FHOD3: variants seen among roughly 807,000 people sequenced by gnomAD.
FHOD3 encodes the protein formin homology 2 domain containing 3.
A neutral mutation model predicts 173.0 loss-of-function variants in FHOD3; 90 were observed. That is an observed-to-expected ratio of 0.52 (90% CI 0.44 to 0.62). The LOEUF (loss-of-function observed/expected upper bound fraction) is 0.62. FHOD3 is among the 20% of genes least tolerant of loss of function. The probability of loss-of-function intolerance (pLI) is 0.00; values close to 1 mark genes in which losing one functional copy is unlikely to be tolerated. For missense variants in FHOD3, 1,945 were observed against 2,034.7 expected (o/e 0.96, Z 0.85); for synonymous variants, 828 against 823.0 (o/e 1.01, Z -0.10).
chr18:36,753,282 C>T (rs1002945243), intron 24 of FHOD3, among the ~76,000 whole-genome samples: 5 of 152,184 alleles, frequency 3.3e-5, no homozygotes, highest in African/African-American at 1.2e-4. Context: ...GCACACTACA[C>T]ATGGTGTCTG....
chr18:36,554,642 A>T (rs563833233), intron 5 of FHOD3, among the ~76,000 whole-genome samples: 8 of 152,326 alleles, frequency 5.3e-5, no homozygotes, highest in South Asian at 4.1e-4. Context: ...ATAATAATAA[A>T]AAAAAGAATT....
intron 3 of FHOD3, among the ~76,000 whole-genome samples, chr18:36,410,266 G>A (rs1475527620): frequency 1.3e-5 from 2 of 152,074 alleles, no homozygotes; most frequent in Non-Finnish European, 2.9e-5. Flanking sequence ...ATCATATATA[G>A]CCTTTTGTGT....
At chr18:36,600,452 G>A (rs970784305) in intron 7 of FHOD3, among the ~76,000 whole-genome samples, 3 of 152,112 alleles carry the variant, frequency 2.0e-5, no homozygotes, top group Admixed American at 1.3e-4. Flanking sequence ...TGAACCAAAT[G>A]TTTCTTCCCT....
chr18:36,451,802 G>A (rs1006853442), intron 3 of FHOD3, among the ~76,000 whole-genome samples: 5 of 152,164 alleles, frequency 3.3e-5, no homozygotes, highest in Non-Finnish European at 7.3e-5. Context: ...CATCCTGCGT[G>A]GAGCTCCTGT....
At chr18:36,307,904 G>A (rs989823517) in intron 1 of FHOD3, among the ~76,000 whole-genome samples, 1 of 152,146 alleles carries the variant, frequency 6.6e-6, no homozygotes, top group Non-Finnish European at 1.5e-5. Context: ...TTTGTGTCTT[G>A]CCAGAATTTT....
At chr18:36,660,385 G>A (rs980573973) in intron 14 of FHOD3, among the ~76,000 whole-genome samples, 2 of 152,314 alleles carry the variant, frequency 1.3e-5, no homozygotes, top group East Asian at 1.9e-4. Flanking sequence ...CAGGAGACAG[G>A]AGGCAGGAGG....
chr18:36,720,638 T>C (rs550163188), intron 19 of FHOD3, among the ~76,000 whole-genome samples: 1 of 152,116 alleles, frequency 6.6e-6, no homozygotes, highest in Non-Finnish European at 1.5e-5. Context: ...TGACCTGACT[T>C]GCTGACACCA....
intron 5 of FHOD3, among the ~76,000 whole-genome samples, chr18:36,544,998 C>G (rs984178836): frequency 6.6e-6 from 1 of 152,156 alleles, no homozygotes; most frequent in African/African-American, 2.4e-5. Context: ...ATACTGACTA[C>G]CTGGTGTTGG....
At chr18:36,524,447 T>C (rs1259996083) in intron 5 of FHOD3, among the ~76,000 whole-genome samples, 1 of 152,108 alleles carries the variant, frequency 6.6e-6, no homozygotes, top group Non-Finnish European at 1.5e-5. Context: ...TTACTGCTTC[T>C]CCAGAGCCTG....
chr18:36,660,964 C>A (rs1475055528), intron 14 of FHOD3, among the ~76,000 whole-genome samples: 1 of 152,200 alleles, frequency 6.6e-6, no homozygotes, highest in Admixed American at 6.5e-5. Flanking sequence ...GAGTCTATCA[C>A]CTCCTTTACA....
intron 3 of FHOD3, among the ~76,000 whole-genome samples, chr18:36,453,677 G>A (rs1228560063): frequency 6.6e-6 from 1 of 152,230 alleles, no homozygotes; most frequent in Non-Finnish European, 1.5e-5. Flanking sequence ...GGCTGGAACA[G>A]GGAGCCAGGG....
chr18:36,633,487 G>A (rs538428425), intron 10 of FHOD3, among the ~76,000 whole-genome samples: 1 of 152,126 alleles, frequency 6.6e-6, no homozygotes, highest in East Asian at 1.9e-4. Context: ...CTTTGTACTG[G>A]CTATTGGACT....
chr18:36,463,542 A>G (rs539257820), intron 3 of FHOD3, among the ~76,000 whole-genome samples: 1 of 122,562 alleles, frequency 8.2e-6, no homozygotes, highest in African/African-American at 2.9e-5. Context: ...ATGTCGCCCC[A>G]GGCTGGAGTG....
chr18:36,576,954 A>G (rs183342423), intron 6 of FHOD3, among the ~76,000 whole-genome samples: 10 of 152,162 alleles, frequency 6.6e-5, no homozygotes, highest in African/African-American at 1.9e-4. Flanking sequence ...TTAGCTGGGC[A>G]TGGTGGCACG....
chr18:36,368,299 A>T (rs1174690832), intron 2 of FHOD3, among the ~76,000 whole-genome samples: 1 of 152,184 alleles, frequency 6.6e-6, no homozygotes, highest in South Asian at 2.1e-4. Context: ...AGTACATCTC[A>T]TACGTATGTA....
rs796422864 is a variant in FHOD3 at position 36,702,836 on chromosome 18, G to GT, written c.2237-6258dup. On this transcript the variant is annotated intron_variant, in intron 17 of 28. Coordinates refer to ENST00000590592, the MANE Select transcript of FHOD3 (RefSeq NM_001281740.3). The stretch of plus-strand genomic sequence containing the variant: ...TGTGTGCGCGTGTGTGTGTGCACGT[G>GT]TGCGTACACGCTTAATTCCAGGAAT... 4.7e-4 allele frequency among the ~76,000 whole-genome samples: 71 copies of GT among 151,900 alleles called. 1 individual carries two copies. The highest frequency in any genetic ancestry group is 1.7e-3 in the African/African-American group (69 of 41,374).
chr18:36,421,243 C>T (rs925098235), intron 3 of FHOD3, among the ~76,000 whole-genome samples: 2 of 152,152 alleles, frequency 1.3e-5, no homozygotes, highest in Admixed American at 6.5e-5. Context: ...ATGATAGTCA[C>T]GTGTAGGGAA....
At chr18:36,766,328 C>T (rs1371643203) in intron 27 of FHOD3, among the ~76,000 whole-genome samples, 3 of 152,140 alleles carry the variant, frequency 2.0e-5, no homozygotes, top group Non-Finnish European at 4.4e-5. Context: ...GGTTAGATTT[C>T]TATAAGGGGA....
intron 9 of FHOD3, among the ~76,000 whole-genome samples, chr18:36,624,633 C>G (rs1325796111): frequency 6.6e-6 from 1 of 151,834 alleles, no homozygotes; most frequent in Non-Finnish European, 1.5e-5. Context: ...GATGGAAAAG[C>G]TGGTCTTCTG....
Sources: gnomAD v4.1 joint callset for allele counts (sites outside exome capture counted in the v4.1 genomes callset) on GRCh38, gnomAD v4.1.1 for gene constraint, MANE v1.5 for transcripts, NCBI Gene and HGNC (gene_info 2026-07-23, HGNC 2026-07-21) for gene names.